Variants in PHF14 observed in about 807,000 individuals in gnomAD.
PHF14 encodes the protein PHD finger protein 14.
A neutral mutation model predicts 117.9 loss-of-function variants in PHF14; 55 were observed. That is an observed-to-expected ratio of 0.47 (90% confidence interval 0.38 to 0.58). PHF14 has a LOEUF of 0.58. PHF14 is among the 20% of genes least tolerant of loss of function. PHF14 has a pLI of 0.00. For synonymous variants in PHF14, 409 were observed against 368.6 expected (o/e 1.11, Z -1.26); for missense variants, 978 against 1,122.2 (o/e 0.87, Z 1.84).
chr7:10,976,327 A>T (rs1158850828), intron 2 of PHF14, among the ~76,000 whole-genome samples: 2 of 152,120 alleles, frequency 1.3e-5, no homozygotes, highest in Non-Finnish European at 2.9e-5. Flanking sequence ...AAAGAAGGGA[A>T]GGGGAAGGGA....
chr7:11,094,015 T>C (rs1312914893), intron 16 of PHF14, among the ~76,000 whole-genome samples: 3 of 152,204 alleles, frequency 2.0e-5, no homozygotes, highest in Admixed American at 6.5e-5. Flanking sequence ...GCCTTTCTTT[T>C]AATGACATTA....
intron 5 of PHF14, among the ~76,000 whole-genome samples, chr7:11,019,712 A>G (rs181130923): frequency 6.4e-4 from 97 of 151,882 alleles, no homozygotes; most frequent in African/African-American, 2.3e-3. Flanking sequence ...GATCTTTTGT[A>G]TATGTTTTTT....
intron 17 of PHF14, among the ~76,000 whole-genome samples, chr7:11,156,760 T>C (rs1172374989): frequency 6.6e-6 from 1 of 152,064 alleles, no homozygotes; most frequent in Non-Finnish European, 1.5e-5. Context: ...TGCCATTGCA[T>C]TCCAGCCTGG....
Position 10,974,872 on chromosome 7 carries a change from G to A in PHF14, c.39G>A (p.Leu13=). 1 of 1,594,492 alleles carries A rather than the reference G, an allele frequency of 6.3e-7. No individual in the cohort carries two copies. Among genetic ancestry groups the A allele is most frequent in the Non-Finnish European group, 8.5e-7 (1 of 1,169,626 alleles). Reference sequence around the variant, plus strand: ...CCAAGAGGAGGCAGGTGAAGCCTTTGGCAGCTTCTCTGCTGGAAGCTCTTG... The same window carrying A: ...CCAAGAGGAGGCAGGTGAAGCCTTTAGCAGCTTCTCTGCTGGAAGCTCTTG... ...RSSKRRQVKP[L]AASLLEALDY... The change falls in exon 2 of 18, where the codon TTG becomes TTA. Residue 13 remains leucine (L), a synonymous_variant. Transcript: ENST00000634607.
At chr7:11,115,221 T>G (rs1207960981) in intron 17 of PHF14, among the ~76,000 whole-genome samples, 1 of 152,034 alleles carries the variant, frequency 6.6e-6, no homozygotes, top group Non-Finnish European at 1.5e-5. Context: ...GCCTCACTTC[T>G]TCTCATTCTG....
intron 14 of PHF14, among the ~76,000 whole-genome samples, chr7:11,059,238 T>A (rs746610634): frequency 2.0e-5 from 3 of 152,146 alleles, no homozygotes; most frequent in Non-Finnish European, 4.4e-5. Flanking sequence ...ATTATCAAAA[T>A]GGTAAATAAA....
intron 17 of PHF14, among the ~76,000 whole-genome samples, chr7:11,147,262 A>G (rs1325088962): frequency 1.3e-5 from 2 of 152,224 alleles, no homozygotes; most frequent in African/African-American, 2.4e-5. Flanking sequence ...TATAGGACAT[A>G]TAAAATATAA....
intron 17 of PHF14, among the ~76,000 whole-genome samples, chr7:11,153,392 A>C (rs935696067): frequency 6.6e-6 from 1 of 152,036 alleles, no homozygotes; most frequent in East Asian, 1.9e-4. Context: ...AGTCTTTTTT[A>C]GTGGGGGTAG....
At chr7:11,083,098 C>T (rs540154419) in intron 16 of PHF14, among the ~76,000 whole-genome samples, 14 of 152,264 alleles carry the variant, frequency 9.2e-5, no homozygotes, top group Middle Eastern at 3.4e-3. Flanking sequence ...TTCAGAGAAT[C>T]GGGTCTAGCT....
At chr7:11,131,831 G>GTC (rs57277658) in intron 17 of PHF14, among the ~76,000 whole-genome samples, 2,260 of 151,294 alleles carry the variant, frequency 0.015, 58 homozygotes, top group African/African-American at 0.052. Flanking sequence ...TTCTCTCTCT[G>GTC]TCTCTCTCTC....
chr7:11,072,109 T>G (rs1785632213), intron 16 of PHF14, among the ~76,000 whole-genome samples: 1 of 152,200 alleles, frequency 6.6e-6, no homozygotes, highest in Non-Finnish European at 1.5e-5. Context: ...TTTAATTGAC[T>G]TACGGCTCTG....
intron 16 of PHF14, among the ~76,000 whole-genome samples, chr7:11,076,101 T>C (rs1264910392): frequency 6.6e-6 from 1 of 152,236 alleles, no homozygotes; most frequent in African/African-American, 2.4e-5. Flanking sequence ...ATCGTGCCGC[T>C]GCACTCCAGC....
intron 17 of PHF14, among the ~76,000 whole-genome samples, chr7:11,149,318 C>T (rs767088541): frequency 3.3e-5 from 5 of 152,078 alleles, no homozygotes; most frequent in Middle Eastern, 3.2e-3. Context: ...CTCGTCATGG[C>T]AAACAATTCC....
chr7:10,987,113 C>A (rs911811479), intron 3 of PHF14, among the ~76,000 whole-genome samples: 129 of 152,134 alleles, frequency 8.5e-4, no homozygotes, highest in Middle Eastern at 3.4e-3. Context: ...CTATTTGGGA[C>A]TTCTAACTTA....
intron 17 of PHF14, among the ~76,000 whole-genome samples, chr7:11,135,482 C>T (rs1788193373): frequency 6.6e-6 from 1 of 151,926 alleles, no homozygotes; most frequent in African/African-American, 2.4e-5. Flanking sequence ...ATTTGAAGAC[C>T]ATTTAAAATT....
chr7:11,149,622 C>G lies in PHF14; in HGVS notation c.2773-19794C>G, dbSNP rs113531835. 6.2e-3 allele frequency among the ~76,000 whole-genome samples: 946 copies of G among 152,258 alleles called. 7 individuals carry two copies. The highest frequency in any genetic ancestry group is 0.022 in the African/African-American group (906 of 41,554). ...TCAGTTTTCTCTTCCTAGAACTACA[C>G]TTGGTGGGCAATATTCCTTTTAATC... On this transcript the variant is annotated intron_variant, in intron 17 of 17. Transcript: ENST00000634607.
At chr7:11,088,601 G>C (rs892602845) in intron 16 of PHF14, among the ~76,000 whole-genome samples, 1 of 151,450 alleles carries the variant, frequency 6.6e-6, no homozygotes. Context: ...TACTGTTTTG[G>C]TTTTGTTAGT....
chr7:11,167,234 T>C (rs566573636), intron 17 of PHF14, among the ~76,000 whole-genome samples: 1 of 152,304 alleles, frequency 6.6e-6, no homozygotes, highest in African/African-American at 2.4e-5. Context: ...CTTAGTAGAC[T>C]GTCCGTGTGA....
intron 16 of PHF14, among the ~76,000 whole-genome samples, chr7:11,075,183 T>C (rs947915106): frequency 6.6e-6 from 1 of 151,882 alleles, no homozygotes; most frequent in Non-Finnish European, 1.5e-5. Context: ...AGGCAATCCT[T>C]CTGCCTCATC....
Sources: allele counts gnomAD v4.1 joint callset (sites outside exome capture counted in the v4.1 genomes callset), GRCh38; gene constraint gnomAD v4.1.1; transcripts MANE v1.5; gene names NCBI Gene and HGNC (gene_info 2026-07-23, HGNC 2026-07-21).